DNAH9: variants seen among roughly 807,000 people sequenced by gnomAD.
The protein encoded by DNAH9 is DNAH9 variant protein.
DNAH9 carries 345 observed loss-of-function variants against 471.6 expected under a neutral mutation model. That is an observed-to-expected ratio of 0.73 (90% CI 0.67 to 0.80). The LOEUF (loss-of-function observed/expected upper bound fraction) is 0.80. Ranked by LOEUF, DNAH9 falls within the 30% of genes least tolerant of loss-of-function variation. DNAH9 has a pLI of 0.00. For synonymous variants in DNAH9, 2,093 were observed against 2,123.6 expected, an observed-to-expected ratio of 0.99 and a Z score of 0.40; for missense variants, 5,407 against 5,609.2, an observed-to-expected ratio of 0.96 and a Z score of 1.15.
chr17:11,763,147 G>A (rs1030749084), intron 35 of DNAH9, among the ~76,000 whole-genome samples: 2 of 152,062 alleles, frequency 1.3e-5, no homozygotes, highest in African/African-American at 4.8e-5. Flanking sequence ...ACTGAGAGGG[G>A]ATCATCAACA....
chr17:11,685,211 G>C (rs1352453663), intron 19 of DNAH9, among the ~76,000 whole-genome samples: 1 of 152,152 alleles, frequency 6.6e-6, no homozygotes, highest in Non-Finnish European at 1.5e-5. Flanking sequence ...GCTTATCATG[G>C]TGAGCCAGAG....
chr17:11,657,919 A>G (rs1409565886), intron 14 of DNAH9, among the ~76,000 whole-genome samples: 1 of 152,066 alleles, frequency 6.6e-6, no homozygotes, highest in African/African-American at 2.4e-5. Context: ...GAGAAAATTG[A>G]TTATCAGTAA....
At chr17:11,902,128 T>C (rs1438074112) in intron 59 of DNAH9, among the ~76,000 whole-genome samples, 1 of 152,210 alleles carries the variant, frequency 6.6e-6, no homozygotes, top group Non-Finnish European at 1.5e-5. Context: ...GGAGCAGATA[T>C]GCTCAGAGTG....
rs2072613410 is a variant in DNAH9 at position 11,610,563 on chromosome 17, G to A, written c.773+9G>A. 6.2e-6 allele frequency: 10 copies of A among 1,611,740 alleles called. No individual in the cohort carries two copies. Among genetic ancestry groups the A allele is most frequent in the Non-Finnish European group, 8.5e-6 (10 of 1,179,600 alleles). On this transcript the variant is annotated intron_variant, in intron 3 of 68. Coordinates refer to ENST00000262442, the MANE Select transcript of DNAH9 (RefSeq NM_001372.4). The stretch of plus-strand genomic sequence containing the variant: ...GAGTTCTGGAAGAGCAGGTAGGCAA[G>A]AAGGCACATGCTGGAAGTCTGGGGT...
chr17:11,926,539 A>G (rs1211491962), intron 62 of DNAH9, among the ~76,000 whole-genome samples: 3 of 152,158 alleles, frequency 2.0e-5, no homozygotes, highest in Non-Finnish European at 4.4e-5. Context: ...TAGTTTGCTG[A>G]GGGTAACGGC....
Position 11,745,437 on chromosome 17 carries a change from G to A in DNAH9, c.6399+353G>A, listed in dbSNP as rs758505317. Among the ~76,000 whole-genome samples, 54 of 152,132 alleles carry A rather than the reference G, an allele frequency of 3.5e-4. 1 individual carries two copies. ...ACCTCCACTCAATCCTACTATCCTG[G>A]ATAGAGACCAGCAAAAGAGAACACC... is the stretch of plus-strand genomic sequence containing the variant. On this transcript the variant is annotated intron_variant, in intron 31 of 68. Transcript: ENST00000262442.
intron 40 of DNAH9, 34 bp from the exon 41 acceptor site, chr17:11,784,266 G>A (rs367968994): frequency 6.0e-5 from 97 of 1,609,308 alleles, no homozygotes; most frequent in African/African-American, 5.3e-4. Flanking sequence ...CCGTGGTAAC[G>A]GATGTTGAGC....
At chr17:11,913,188 T>C (rs1194963644) in intron 61 of DNAH9, among the ~76,000 whole-genome samples, 1 of 152,142 alleles carries the variant, frequency 6.6e-6, no homozygotes, top group African/African-American at 2.4e-5. Context: ...AAAGATTTTG[T>C]AAAGTATTAG....
intron 14 of DNAH9, among the ~76,000 whole-genome samples, chr17:11,654,507 C>T (rs553810437): frequency 6.6e-6 from 1 of 151,744 alleles, no homozygotes; most frequent in Non-Finnish European, 1.5e-5. Context: ...TCAGACAAAT[C>T]ACAAAATCAG....
In DNAH9 at chr17:11,857,493, C is replaced by A. The variant is rs568011516; in HGVS notation, c.9933+3065C>A. Reference sequence around the variant, plus strand: ...CTATATGCTGCAGGGCCATTTCCAGCCTAGTCCAATCTCACATACACACAC... The same window carrying A: ...CTATATGCTGCAGGGCCATTTCCAGACTAGTCCAATCTCACATACACACAC... On this transcript the variant is annotated intron_variant, in intron 50 of 68. Coordinates refer to ENST00000262442, the MANE Select transcript of DNAH9 (RefSeq NM_001372.4). Among the ~76,000 whole-genome samples the A allele has an allele frequency of 7.2e-5, 11 of 152,220 alleles. No homozygotes were observed. In the South Asian group the frequency reaches 2.3e-3, roughly 32 times the overall value.
chr17:11,653,015 C>A lies in DNAH9; in HGVS notation c.2595+13C>A, dbSNP rs775808862. The A allele has an allele frequency of 6.2e-7, 1 of 1,612,478 alleles. No homozygotes were observed. Among genetic ancestry groups the A allele is most frequent in the Non-Finnish European group, 8.5e-7 (1 of 1,179,616 alleles). On this transcript the variant is annotated intron_variant, in intron 14 of 68. Transcript: ENST00000262442. Reference sequence around the variant, plus strand: ...CGCCCTTGTTCAGGTAATAACCCAGCCACTCAGGCGCACATACTACGAGTT... The same window carrying A: ...CGCCCTTGTTCAGGTAATAACCCAGACACTCAGGCGCACATACTACGAGTT...
intron 67 of DNAH9, among the ~76,000 whole-genome samples, chr17:11,961,460 A>T (rs1487472668): frequency 6.6e-6 from 1 of 152,108 alleles, no homozygotes. Flanking sequence ...GGGAATATAG[A>T]TCTTTGTAGG....
chr17:11,711,886 TTA>T (rs1351005550), intron 26 of DNAH9, among the ~76,000 whole-genome samples: 32 of 9,644 alleles, frequency 3.3e-3, no homozygotes, highest in African/African-American at 4.6e-3. Flanking sequence ...GTATATATAT[TTA>T]TATATAAATA....
At chr17:11,740,444 C>T (rs1303085632) in intron 29 of DNAH9, among the ~76,000 whole-genome samples, 1 of 152,116 alleles carries the variant, frequency 6.6e-6, no homozygotes, top group Non-Finnish European at 1.5e-5. Flanking sequence ...CAGGCGGCCA[C>T]CTTCTTGCTG....
chr17:11,787,024 C>G (rs1320528708), intron 41 of DNAH9, among the ~76,000 whole-genome samples: 1 of 152,182 alleles, frequency 6.6e-6, no homozygotes, highest in Non-Finnish European at 1.5e-5. Flanking sequence ...ATAGCTTGAC[C>G]ACAGTCTCCT....
At chr17:11,953,684 C>T (rs750836255) in intron 67 of DNAH9, among the ~76,000 whole-genome samples, 3 of 147,602 alleles carry the variant, frequency 2.0e-5, no homozygotes, top group African/African-American at 5.0e-5. Flanking sequence ...TGGTGGCAGG[C>T]GCCTGTAGAG....
At chr17:11,871,832 C>T in intron 52 of DNAH9, 46 bp downstream of exon 52, 1 of 1,591,370 alleles carries the variant, frequency 6.3e-7, no homozygotes, top group Non-Finnish European at 8.6e-7. Flanking sequence ...CCTCTGGGCA[C>T]CAATGGGAAG....
intron 3 of DNAH9, among the ~76,000 whole-genome samples, chr17:11,611,272 TG>T (rs2072631808): frequency 6.6e-6 from 1 of 152,224 alleles, no homozygotes; most frequent in South Asian, 2.1e-4. Context: ...AGATGCCCCA[TG>T]CTCTTGCCTG....
At chr17:11,948,056 C>T (rs777031828) in intron 67 of DNAH9, among the ~76,000 whole-genome samples, 3 of 151,592 alleles carry the variant, frequency 2.0e-5, no homozygotes, top group Non-Finnish European at 2.9e-5. Context: ...TGAGCCACCA[C>T]GCCTGGCCAG....
Sources: allele counts gnomAD v4.1 joint callset (sites outside exome capture counted in the v4.1 genomes callset), GRCh38; gene constraint gnomAD v4.1.1; transcripts MANE v1.5; gene names NCBI Gene and HGNC (gene_info 2026-07-23, HGNC 2026-07-21).